The following APCDD1 variants were observed in gnomAD, a reference collection of about 807,000 sequenced individuals.
The protein encoded by APCDD1 is protein APCDD1.
Under a neutral mutation model 38.1 loss-of-function variants are expected in APCDD1, and 15 were observed. The ratio of observed to expected loss-of-function variants is 0.39; its 90% confidence interval spans 0.26 to 0.61. APCDD1 has a LOEUF of 0.61. APCDD1 is among the 20% of genes least tolerant of loss of function. APCDD1 has a pLI of 0.49. For synonymous variants in APCDD1, 261 were observed against 279.7 expected, an observed-to-expected ratio of 0.93 and a Z score of 0.67; for missense variants, 647 against 696.2, an observed-to-expected ratio of 0.93 and a Z score of 0.79.
chr18:10,488,164 C>A lies in APCDD1; in HGVS notation c.*126C>A. The A allele has an allele frequency of 8.6e-7, 1 of 1,162,892 alleles. No homozygotes were observed. Among genetic ancestry groups the A allele is most frequent in the South Asian group, 1.4e-5 (1 of 71,270 alleles). The allele number at this position is 1,162,892 out of a possible 1,614,324, so 72.0% of individuals were successfully genotyped here. Reference sequence around the variant, plus strand: ...GCCAGAGAACTGTCCTTCTTTTTCTCCTCTCCCTCCCTCCCAGCCCCTGAG... The same window carrying A: ...GCCAGAGAACTGTCCTTCTTTTTCTACTCTCCCTCCCTCCCAGCCCCTGAG... On this transcript the variant is annotated 3_prime_UTR_variant, in exon 5 of 5. Coordinates refer to ENST00000355285, the MANE Select transcript of APCDD1 (RefSeq NM_153000.5).
At chr18:10,474,474 T>G (rs1409498658) in intron 3 of APCDD1, among the ~76,000 whole-genome samples, 1 of 152,104 alleles carries the variant, frequency 6.6e-6, no homozygotes, top group African/African-American at 2.4e-5. Flanking sequence ...AGGAGGCAGG[T>G]GCGGCTGGGG....
At chr18:10,457,776 T>A (rs1255144243) in intron 1 of APCDD1, among the ~76,000 whole-genome samples, 1 of 152,200 alleles carries the variant, frequency 6.6e-6, no homozygotes, top group Non-Finnish European at 1.5e-5. Context: ...CTACTTCTAT[T>A]TCAATTCATT....
chr18:10,459,074 G>A lies in APCDD1; in HGVS notation c.58+4035G>A, dbSNP rs115039320. 3.7e-3 allele frequency among the ~76,000 whole-genome samples: 567 copies of A among 152,262 alleles called. 3 individuals carry two copies. The highest frequency in any genetic ancestry group is 0.013 in the African/African-American group (540 of 41,534). On this transcript the variant is annotated intron_variant, in intron 1 of 4. Coordinates refer to ENST00000355285, the MANE Select transcript of APCDD1 (RefSeq NM_153000.5). ...ATATTCTGTTCTGCAAGGGTTTTCC[G>A]GTTTCATTCATTCAGCTAACCATTT... is the stretch of plus-strand genomic sequence containing the variant.
Position 10,487,893 on chromosome 18 carries a change from C to T in APCDD1, c.1400C>T (p.Ala467Val). The change falls in exon 5 of 5, where the codon GCC becomes GTC. Residue 467 changes from alanine to valine, a missense_variant. By Grantham distance (64) the Ala-to-Val change is moderately conservative. Transcript: ENST00000355285. Reference sequence around the variant, plus strand: ...TACCAGATGCCCTTGGTCCAGTGTGCCTCCTCTTCGCCGAGGGCAGAGGAC... The same window carrying T: ...TACCAGATGCCCTTGGTCCAGTGTGTCTCCTCTTCGCCGAGGGCAGAGGAC... ...TSYQMPLVQCASSSPRAEDLA... is the reference protein window; with the variant it reads ...TSYQMPLVQCVSSSPRAEDLA... The T allele has an allele frequency of 6.2e-7, 1 of 1,613,356 alleles. No individual in the cohort carries two copies. Among genetic ancestry groups the T allele is most frequent in the Non-Finnish European group, 8.5e-7 (1 of 1,179,724 alleles).
At chr18:10,474,089 A>G (rs503627) in intron 3 of APCDD1, 73,879 of 151,822 alleles carry the variant, frequency 0.49, 19,314 homozygotes, top group African/African-American at 0.68. Context: ...ATGCCCAGCT[A>G]ATTTTTGTAT....
chr18:10,476,683 C>G lies in APCDD1; in HGVS notation c.774+4622C>G, dbSNP rs898856424. On this transcript the variant is annotated intron_variant, in intron 3 of 4. Coordinates refer to ENST00000355285, the MANE Select transcript of APCDD1 (RefSeq NM_153000.5). The surrounding 1 kb of genome is among the most constrained non-coding windows in gnomAD (Gnocchi z 5.8). ...TCCTGCACTGATTTAACCACAGGATCGTAAATCAAAGGGGCTGTCTGAAAA... is the reference window on the plus strand; with the variant it reads ...TCCTGCACTGATTTAACCACAGGATGGTAAATCAAAGGGGCTGTCTGAAAA... 1 of 152,140 alleles carries G rather than the reference C, an allele frequency of 6.6e-6. No individual in the cohort carries two copies. 9.4% of individuals were successfully genotyped at this position (152,140 alleles called of 1,614,324 possible).
chr18:10,483,027 C>T (rs1179617312), intron 3 of APCDD1, among the ~76,000 whole-genome samples: 1 of 152,202 alleles, frequency 6.6e-6, no homozygotes, highest in Non-Finnish European at 1.5e-5. Flanking sequence ...TGGGAACCAC[C>T]TTAATCTGCT....
At chr18:10,481,506 G>A (rs1247697188) in intron 3 of APCDD1, among the ~76,000 whole-genome samples, 1 of 152,084 alleles carries the variant, frequency 6.6e-6, no homozygotes, top group African/African-American at 2.4e-5. Flanking sequence ...GAGACAGAAA[G>A]GAGAATGGAG....
intron 1 of APCDD1, among the ~76,000 whole-genome samples, chr18:10,465,155 G>T (rs999384897): frequency 6.6e-6 from 1 of 152,062 alleles, no homozygotes; most frequent in African/African-American, 2.4e-5. Context: ...CATCTTTTTC[G>T]TACTTTAAGA....
In APCDD1 at chr18:10,475,360, G is replaced by A. The variant is rs1217720618; in HGVS notation, c.774+3299G>A. Among the ~76,000 whole-genome samples the A allele has an allele frequency of 6.6e-6, 1 of 152,132 alleles. No individual in the cohort carries two copies. Among genetic ancestry groups the A allele is most frequent in the Non-Finnish European group, 1.5e-5 (1 of 68,026 alleles). On this transcript the variant is annotated intron_variant, in intron 3 of 4. Transcript: ENST00000355285. The surrounding 1 kb of genome is among the most constrained non-coding windows in gnomAD (Gnocchi z 4.0). Reference sequence around the variant, plus strand: ...GATTCCTTGATGACAGAAAATTAAGGTGGAAAGAGCTTTAGGACCTTAGAT... The same window carrying A: ...GATTCCTTGATGACAGAAAATTAAGATGGAAAGAGCTTTAGGACCTTAGAT...
At position 10,488,183 on chromosome 18, in the gene APCDD1, C is replaced by T; in HGVS notation, c.*145C>T. ...TTTTCTCCTCTCCCTCCCTCCCAGC[C>T]CCTGAGTCATGAACAGCAAGGAGTG... is the stretch of plus-strand genomic sequence containing the variant. On this transcript the variant is annotated 3_prime_UTR_variant, in exon 5 of 5. Transcript: ENST00000355285. The T allele has an allele frequency of 1.9e-6, 2 of 1,037,560 alleles. No homozygotes were observed. The highest frequency in any genetic ancestry group is 2.8e-6 in the Non-Finnish European group (2 of 708,656). The allele number at this position is 1,037,560 out of a possible 1,614,324, so 64.3% of individuals were successfully genotyped here.
At chr18:10,461,544 C>T (rs1460489289) in intron 1 of APCDD1, among the ~76,000 whole-genome samples, 1 of 152,148 alleles carries the variant, frequency 6.6e-6, no homozygotes, top group Non-Finnish European at 1.5e-5. Flanking sequence ...TGCCTCTGTA[C>T]CTGTATAGTA....
chr18:10,484,980 T>TTTCTG (rs1485958033), intron 3 of APCDD1, among the ~76,000 whole-genome samples: 1 of 152,170 alleles, frequency 6.6e-6, no homozygotes, highest in Admixed American at 6.5e-5. Context: ...GTTTTGTTGT[T>TTTCTG]TTTTGTTTTG....
chr18:10,468,740 A>G lies in APCDD1; in HGVS notation c.242+88A>G, dbSNP rs996786485. ...ATGGGTTCTCAGATGCAGAGACTTT[A>G]TATCATTTACAATGATTTAGGTGTT... On this transcript the variant is annotated intron_variant, in intron 2 of 4. Coordinates refer to ENST00000355285, the MANE Select transcript of APCDD1 (RefSeq NM_153000.5). 14 of 1,363,064 alleles carry G rather than the reference A, an allele frequency of 1.0e-5. No homozygotes were observed. In the African/African-American group the frequency reaches 1.9e-4, roughly 18 times the overall value. 84.4% of individuals were successfully genotyped at this position (1,363,064 alleles called of 1,614,324 possible). A position where few individuals can be genotyped will look rare whatever the true frequency, so the allele number is the denominator to read the frequency against.
At chr18:10,465,038 G>A (rs186013132) in intron 1 of APCDD1, among the ~76,000 whole-genome samples, 84 of 152,354 alleles carry the variant, frequency 5.5e-4, no homozygotes, top group Admixed American at 3.1e-3. Flanking sequence ...AGAAGTGGGT[G>A]ATGTTTTTAT....
Position 10,472,663 on chromosome 18 carries a change from G to T in APCDD1, c.774+602G>T, listed in dbSNP as rs916019362. Among the ~76,000 whole-genome samples the T allele has an allele frequency of 1.3e-5, 2 of 152,168 alleles. No homozygotes were observed. The highest frequency in any genetic ancestry group is 2.9e-5 in the Non-Finnish European group (2 of 68,016). ...CTACTGAGTTTTCCTGCTGGACCAT[G>T]AGTCCAAAGGTCCTTCCTCCATACC... On this transcript the variant is annotated intron_variant, in intron 3 of 4. Coordinates refer to ENST00000355285, the MANE Select transcript of APCDD1 (RefSeq NM_153000.5). This position sits in a 1 kb window ranked among gnomAD's most constrained non-coding sequence, Gnocchi z 6.6.
chr18:10,467,932 T>C lies in APCDD1; in HGVS notation c.59-537T>C, dbSNP rs942509623. On this transcript the variant is annotated intron_variant, in intron 1 of 4. Coordinates refer to ENST00000355285, the MANE Select transcript of APCDD1 (RefSeq NM_153000.5). The surrounding 1 kb of genome is among the most constrained non-coding windows in gnomAD (Gnocchi z 4.8). ...AATCTTCCTAGTCTCCTGGGCCTTCTCCTTCCATCACTGCCCAGGCTGCAG... is the reference window on the plus strand; with the variant it reads ...AATCTTCCTAGTCTCCTGGGCCTTCCCCTTCCATCACTGCCCAGGCTGCAG... 6.6e-6 allele frequency among the ~76,000 whole-genome samples: 1 copy of C among 152,220 alleles called. No homozygotes were observed. Among genetic ancestry groups the C allele is most frequent in the Non-Finnish European group, 1.5e-5 (1 of 68,030 alleles).
intron 3 of APCDD1, among the ~76,000 whole-genome samples, chr18:10,480,975 T>C (rs1413243891): frequency 6.6e-6 from 1 of 151,162 alleles, no homozygotes; most frequent in East Asian, 1.9e-4. Flanking sequence ...AAAATGTAAA[T>C]TAAGACCACA....
intron 1 of APCDD1, among the ~76,000 whole-genome samples, chr18:10,465,760 G>A (rs1030388420): frequency 2.0e-5 from 3 of 152,178 alleles, no homozygotes; most frequent in African/African-American, 2.4e-5. Flanking sequence ...AGTGATTCAC[G>A]GGTATCTCGT....
Sources: gnomAD v4.1 joint callset for allele counts (sites outside exome capture counted in the v4.1 genomes callset) on GRCh38, gnomAD v4.1.1 for gene constraint, Gnocchi (gnomAD v3.1) non-coding constraint, MANE v1.5 for transcripts, NCBI Gene and HGNC (gene_info 2026-07-23, HGNC 2026-07-21) for gene names.